The following AASS variants were observed in gnomAD, a reference collection of about 807,000 sequenced individuals.
AASS encodes aminoadipate-semialdehyde synthase, also known as alpha-aminoadipic semialdehyde synthase, mitochondrial.
A neutral mutation model predicts 105.4 loss-of-function variants in AASS; 86 were observed. That is an observed-to-expected ratio of 0.82 (90% CI 0.69 to 0.98). The LOEUF (loss-of-function observed/expected upper bound fraction) is 0.98, where lower values mean the gene tolerates loss of function less well. Among genes scored for constraint, AASS ranks in the 50% least tolerant of loss-of-function variants. The pLI is 0.00. For synonymous variants in AASS, 381 were observed against 394.8 expected, an observed-to-expected ratio of 0.96 and a Z score of 0.41; for missense variants, 1,048 against 1,143.2, an observed-to-expected ratio of 0.92 and a Z score of 1.20.
rs761748339 is a variant in AASS at position 122,133,654 on chromosome 7, C to T, written c.73G>A (p.Val25Met). 3 of 1,614,188 alleles carry T rather than the reference C, an allele frequency of 1.9e-6. No individual in the cohort carries two copies. Among genetic ancestry groups the T allele is most frequent in the Non-Finnish European group, 1.7e-6 (2 of 1,180,042 alleles). The change falls in exon 2 of 24, where the codon GTG becomes ATG. Residue 25 changes from valine to methionine, a missense_variant. Val to Met is a conservative substitution (Grantham distance 21). Transcript: ENST00000417368. ...ACATCCTCCCTCCGGACGGCCAACA[C>T]AGCTTTGTGGTGAAGACCCTTGGAG... ...SLSKGLHHKA[V>M]LAVRREDVNA...
intron 18 of AASS, among the ~76,000 whole-genome samples, chr7:122,089,233 G>A (rs1270679814): frequency 6.6e-6 from 1 of 152,060 alleles, no homozygotes; most frequent in Non-Finnish European, 1.5e-5. Context: ...TTGAATTACT[G>A]ACTGAATAAT....
At chr7:122,132,959 G>A (rs542600499) in intron 2 of AASS, among the ~76,000 whole-genome samples, 1 of 152,218 alleles carries the variant, frequency 6.6e-6, no homozygotes, top group South Asian at 2.1e-4. Context: ...GACTATATAA[G>A]ATGATATTAT....
In AASS at chr7:122,131,337, C is replaced by CAA. The variant is rs201237827; in HGVS notation, c.211-1802_211-1801dup. On this transcript the variant is annotated intron_variant, in intron 2 of 23. Coordinates refer to ENST00000417368, the MANE Select transcript of AASS (RefSeq NM_005763.4). ...TTCATTGTCAGATATATTCTAAAGGCAAAAAAAAAAAATCAAAGAAATAGT... is the reference window on the plus strand; with the variant it reads ...TTCATTGTCAGATATATTCTAAAGGCAAAAAAAAAAAAAATCAAAGAAATAGT... 6.8e-3 allele frequency among the ~76,000 whole-genome samples: 928 copies of CAA among 136,734 alleles called. 13 individuals carry two copies. The highest frequency in any genetic ancestry group is 0.023 in the African/African-American group (859 of 37,632). 89.7% of individuals were successfully genotyped at this position (136,734 alleles called of 152,430 possible).
intron 4 of AASS, among the ~76,000 whole-genome samples, chr7:122,121,026 C>A (rs1005673462): frequency 1.3e-5 from 2 of 152,024 alleles, no homozygotes; most frequent in African/African-American, 2.4e-5. Flanking sequence ...AAATTTAAAG[C>A]TACCATGTTG....
intron 18 of AASS, among the ~76,000 whole-genome samples, chr7:122,088,110 T>C (rs531852461): frequency 7.2e-5 from 11 of 152,188 alleles, no homozygotes; most frequent in Non-Finnish European, 1.3e-4. Context: ...GAAACATATT[T>C]GTCTGTTTTG....
intron 3 of AASS, 108 bp from the exon 4 acceptor site, chr7:122,126,567 C>T: frequency 1.1e-6 from 1 of 935,164 alleles, no homozygotes; most frequent in Admixed American, 1.8e-5. Context: ...CTGAAATACA[C>T]CTTAACTTGC....
At chr7:122,078,777 G>A in intron 22 of AASS, 85 bp downstream of exon 22, 1 of 1,306,398 alleles carries the variant, frequency 7.7e-7, no homozygotes, top group Non-Finnish European at 1.1e-6. Flanking sequence ...TGCTGCTTGG[G>A]GCCAACCCTC....
Position 122,096,361 on chromosome 7 carries a change from G to A in AASS, c.1655+2089C>T, listed in dbSNP as rs151159589. ...AAAAATAAAACAATTAGCCAGGCATGGTGGCTTATGCCTGTAATCCTGACA... is the reference window on the plus strand; with the variant it reads ...AAAAATAAAACAATTAGCCAGGCATAGTGGCTTATGCCTGTAATCCTGACA... On this transcript the variant is annotated intron_variant, in intron 15 of 23. Coordinates refer to ENST00000417368, the MANE Select transcript of AASS (RefSeq NM_005763.4). Among the ~76,000 whole-genome samples, 53 of 152,220 alleles carry A rather than the reference G, an allele frequency of 3.5e-4. 1 individual carries two copies. In the East Asian group the frequency reaches 8.5e-3, roughly 24 times the overall value.
intron 4 of AASS, among the ~76,000 whole-genome samples, chr7:122,124,200 C>A (rs552912218): frequency 6.6e-6 from 1 of 152,144 alleles, no homozygotes; most frequent in Non-Finnish European, 1.5e-5. Flanking sequence ...TTCTTCAGAC[C>A]TCACCTTCAA....
At chr7:122,093,250 C>G (rs1041686261) in intron 15 of AASS, 92 bp from the exon 16 acceptor site, 8 of 929,250 alleles carry the variant, frequency 8.6e-6, no homozygotes, top group Non-Finnish European at 1.4e-5. Flanking sequence ...TCTTAAGGTA[C>G]TGTTCTGATT....
At chr7:122,123,413 T>G (rs139970363) in intron 4 of AASS, among the ~76,000 whole-genome samples, 148 of 152,326 alleles carry the variant, frequency 9.7e-4, no homozygotes, top group African/African-American at 2.8e-3. Flanking sequence ...CTGTACTGCC[T>G]GTGGTCCAAT....
intron 15 of AASS, among the ~76,000 whole-genome samples, chr7:122,094,767 T>A (rs950712514): frequency 6.6e-6 from 1 of 152,030 alleles, no homozygotes; most frequent in African/African-American, 2.4e-5. Context: ...ACCCTGTGGA[T>A]TTTTAGCCAT....
intron 18 of AASS, among the ~76,000 whole-genome samples, chr7:122,089,626 G>A (rs1319181286): frequency 6.6e-6 from 1 of 152,142 alleles, no homozygotes. Context: ...CTGACAATCT[G>A]CTGTTAGGCA....
rs1221408269 is a variant in AASS at position 122,076,534 on chromosome 7, T to A, written c.2736A>T (p.Lys912Asn). 1.2e-6 allele frequency: 2 copies of A among 1,613,876 alleles called. No homozygotes were observed. Among genetic ancestry groups the A allele is most frequent in the Admixed American group, 3.3e-5 (2 of 60,010 alleles). Residue 912 changes from lysine (K) to asparagine (N), a missense_variant, in exon 24 of 24, where the codon AAA becomes AAT. Transcript: ENST00000417368. ...GTGTAGTATATATAATGCCTTCTGC[T>A]TTAATTCGCTCCAATATTGGTCCAT... ...EIYGPILERIKAEGIIYTTQS... is the reference protein window; with the variant it reads ...EIYGPILERINAEGIIYTTQS...
chr7:122,119,086 T>C (rs1460271130), intron 4 of AASS, among the ~76,000 whole-genome samples: 1 of 152,150 alleles, frequency 6.6e-6, no homozygotes, highest in Non-Finnish European at 1.5e-5. Context: ...ATCATCTATT[T>C]AGTGACCTAA....
At chr7:122,078,975 A>G in intron 21 of AASS, 25 bp from the exon 22 acceptor site, 1 of 1,614,042 alleles carries the variant, frequency 6.2e-7, no homozygotes, top group South Asian at 1.1e-5. Context: ...AGATGGCTGC[A>G]TTAGTTCAAG....
chr7:122,126,293 C>T, intron 4 of AASS, 82 bp downstream of exon 4: 2 of 1,215,402 alleles, frequency 1.6e-6, no homozygotes, highest in Non-Finnish European at 2.4e-6. Flanking sequence ...ACTCCTATCC[C>T]CTTGCCGCAG....
intron 11 of AASS, among the ~76,000 whole-genome samples, chr7:122,111,674 C>A (rs943213861): frequency 1.3e-4 from 20 of 151,998 alleles, no homozygotes; most frequent in Non-Finnish European, 1.6e-4. Flanking sequence ...GAGGCCGAGG[C>A]GGGTGGATCA....
chr7:122,143,989 T>TC (rs1796520060), intron 1 of AASS, among the ~76,000 whole-genome samples, 172 bp downstream of exon 1: 1 of 151,990 alleles, frequency 6.6e-6, no homozygotes, highest in Non-Finnish European at 1.5e-5. Context: ...CGCCGCCTTC[T>TC]CCCTCTCTCG....
Sources: gnomAD v4.1 joint callset for allele counts (sites outside exome capture counted in the v4.1 genomes callset) on GRCh38, gnomAD v4.1.1 for gene constraint, MANE v1.5 for transcripts, NCBI Gene and HGNC (gene_info 2026-07-23, HGNC 2026-07-21) for gene names.